Variants in GPR162 observed in about 807,000 individuals in gnomAD.
The protein encoded by GPR162 is probable G protein-coupled receptor 162.
Under a neutral mutation model 44.9 loss-of-function variants are expected in GPR162, and 26 were observed. The ratio of observed to expected loss-of-function variants is 0.58; its 90% confidence interval spans 0.42 to 0.80. The LOEUF (loss-of-function observed/expected upper bound fraction) is 0.80. GPR162 is among the 30% of genes least tolerant of loss of function. GPR162 has a pLI of 0.00. For synonymous variants in GPR162, 363 were observed against 335.2 expected, an observed-to-expected ratio of 1.08 and a Z score of -0.91; for missense variants, 704 against 802.3, an observed-to-expected ratio of 0.88 and a Z score of 1.48.
rs1223334625 is a variant in GPR162, at chr12:6,822,298, C to A, written c.-432+398C>A. Among the ~76,000 whole-genome samples, 1 of 152,138 alleles carries A rather than the reference C, an allele frequency of 6.6e-6. No individual in the cohort carries two copies. Among genetic ancestry groups the A allele is most frequent in the Non-Finnish European group, 1.5e-5 (1 of 68,014 alleles). On this transcript the variant is annotated intron_variant, in intron 1 of 4. Coordinates refer to ENST00000311268, the MANE Select transcript of GPR162 (RefSeq NM_019858.2). The surrounding 1 kb of genome is among the most constrained non-coding windows in gnomAD (Gnocchi z 4.2). ...AGAGGACACTGGGGGCTGCTCTTGG[C>A]CAAGTCCCTCCACCTCCCTCTGGCT...
chr12:6,825,759 C>A, intron 3 of GPR162, 86 bp downstream of exon 3: 1 of 1,162,792 alleles, frequency 8.6e-7, no homozygotes, highest in Non-Finnish European at 1.2e-6. Flanking sequence ...GGATGGGCTG[C>A]CCTGGAGTGC....
intron 1 of GPR162, 100 bp from the exon 2 acceptor site, chr12:6,823,368 T>C: frequency 4.3e-6 from 1 of 230,200 alleles, no homozygotes; most frequent in Non-Finnish European, 8.4e-6. Flanking sequence ...TAATCAGTCA[T>C]GCCTATAGTT....
At chr12:6,824,795 C>A in intron 2 of GPR162, 30 bp downstream of exon 2, 1 of 1,577,262 alleles carries the variant, frequency 6.3e-7, no homozygotes, top group South Asian at 1.1e-5. Context: ...CACCTGTTCT[C>A]CCCAATATCC....
In GPR162 at chr12:6,827,404, G is replaced by C. The variant is rs76385735; in HGVS notation, c.*200G>C. 5,190 of 585,414 alleles carry C rather than the reference G, an allele frequency of 8.9e-3. 210 individuals are homozygous for C. The highest frequency in any genetic ancestry group is 0.085 in the African/African-American group (4,544 of 53,728). The allele number at this position is 585,414 out of a possible 1,614,324, so 36.3% of individuals were successfully genotyped here. The stretch of plus-strand genomic sequence containing the variant: ...CCCCTAGCAATATGTATTAAAGTCT[G>C]AAGTGTTGCCATGGAAACCTCAGTG... On this transcript the variant is annotated 3_prime_UTR_variant, in exon 5 of 5. Coordinates refer to ENST00000311268, the MANE Select transcript of GPR162 (RefSeq NM_019858.2).
intron 3 of GPR162, 123 bp from the exon 4 acceptor site, chr12:6,826,073 G>A (rs1460830091): frequency 5.5e-6 from 4 of 730,170 alleles, no homozygotes; most frequent in African/African-American, 1.8e-5. Context: ...CACTCTCACT[G>A]TCCTCTTGGA....
Position 6,825,546 on chromosome 12 carries a change from G to A in GPR162, c.930G>A (p.Leu310=). The A allele has an allele frequency of 1.2e-6, 2 of 1,611,374 alleles. No individual in the cohort carries two copies. The highest frequency in any genetic ancestry group is 1.7e-6 in the Non-Finnish European group (2 of 1,178,706). The part of the protein sequence containing the change: ...SAPPWMVLAV[L]WCSMAQTLLL... ...CCCCCTGGATGGTGCTGGCTGTGCT[G>A]TGGTGCTCCATGGCACAGACGCTGC... The change falls in exon 3 of 5, where the codon CTG becomes CTA. Residue 310 remains leucine, a synonymous_variant. Transcript: ENST00000311268.
rs1015112533 is a variant in GPR162, at chr12:6,824,231, C to T, written c.333C>T (p.Leu111=). Residue 111 remains leucine (L), a synonymous_variant, in exon 2 of 5, where the codon CTC becomes CTT. Coordinates refer to ENST00000311268, the MANE Select transcript of GPR162 (RefSeq NM_019858.2). The stretch of plus-strand genomic sequence containing the variant: ...CCACCTGCTTCACGGTCGCCTCCCT[C>T]TCCTACCATCGCATGTGGATGGTGC... ...ALATCFTVAS[L]SYHRMWMVRW... The T allele has an allele frequency of 6.2e-7, 1 of 1,614,064 alleles. No individual in the cohort carries two copies. The highest frequency in any genetic ancestry group is 8.5e-7 in the Non-Finnish European group (1 of 1,180,036).
intron 3 of GPR162, among the ~76,000 whole-genome samples, chr12:6,825,972 T>C (rs782519415): frequency 6.6e-6 from 1 of 152,298 alleles, no homozygotes. Context: ...GGACGGCTCT[T>C]GGGGGAGTGC....
intron 2 of GPR162, chr12:6,825,108 T>C: frequency 1.8e-6 from 1 of 557,164 alleles, no homozygotes; most frequent in Admixed American, 2.6e-5. Flanking sequence ...GCCGCTGGGC[T>C]CCACTCTCCA....
intron 3 of GPR162, 27 bp from the exon 4 acceptor site, chr12:6,826,169 A>G (rs979019510): frequency 6.2e-7 from 1 of 1,603,320 alleles, no homozygotes; most frequent in Non-Finnish European, 8.5e-7. Flanking sequence ...CCCTACCTGT[A>G]ACCACTCTGC....
At position 6,823,551 on chromosome 12, in the gene GPR162, G is replaced by T. The variant is rs1943309962; in HGVS notation, c.-348G>T. The T allele has an allele frequency of 3.8e-6, 2 of 526,248 alleles. No homozygotes were observed. The highest frequency in any genetic ancestry group is 5.7e-5 in the South Asian group (2 of 34,856). 32.6% of individuals were successfully genotyped at this position (526,248 alleles called of 1,614,324 possible). The stretch of plus-strand genomic sequence containing the variant: ...CTGGTCAAGAACCAGAGGCAAAAGA[G>T]ACCTGGAAGTCCCAGCATGGGGACC... On this transcript the variant is annotated 5_prime_UTR_variant, in exon 2 of 5. Coordinates refer to ENST00000311268, the MANE Select transcript of GPR162 (RefSeq NM_019858.2).
Position 6,823,873 on chromosome 12 carries a change from C to T in GPR162, c.-26C>T, listed in dbSNP as rs1943315466. The T allele has an allele frequency of 6.4e-7, 1 of 1,574,262 alleles. No individual in the cohort carries two copies. Among genetic ancestry groups the T allele is most frequent in the Admixed American group, 1.7e-5 (1 of 57,210 alleles). On this transcript the variant is annotated 5_prime_UTR_variant, in exon 2 of 5. Coordinates refer to ENST00000311268, the MANE Select transcript of GPR162 (RefSeq NM_019858.2). Reference sequence around the variant, plus strand: ...ACCTAGCCCCCACCCCCACAGAGCTCAAGGGGGTGGGGGGCTGAGGATAGG... The same window carrying T: ...ACCTAGCCCCCACCCCCACAGAGCTTAAGGGGGTGGGGGGCTGAGGATAGG...
At chr12:6,826,466 A>C (rs2071081) in intron 4 of GPR162, 113 bp downstream of exon 4, 243,718 of 1,177,576 alleles carry the variant, frequency 0.21, 26,447 homozygotes, top group East Asian at 0.33. Flanking sequence ...AGGGCACCAT[A>C]GAGCTGGGTG....
chr12:6,825,055 T>A, intron 2 of GPR162: 3 of 627,050 alleles, frequency 4.8e-6, no homozygotes, highest in Non-Finnish European at 8.8e-6. Flanking sequence ...AGCTCCGTCA[T>A]CCATCCTGCA....
In GPR162 at chr12:6,823,973, C is replaced by T. The variant is rs782076523; in HGVS notation, c.75C>T (p.Leu25=). The change falls in exon 2 of 5, where the codon CTC becomes CTT. Residue 25 remains leucine (L), a synonymous_variant. Transcript: ENST00000311268. ...CATTGTCCTGGCTGGCCTGTGGGCT[C>T]CTGGCGCTGCTGGCCAATGCCTGGA... ...SNALSWLACG[L]LALLANAWII... The T allele has an allele frequency of 1.9e-6, 3 of 1,601,768 alleles. No individual in the cohort carries two copies. The highest frequency in any genetic ancestry group is 2.7e-5 in the African/African-American group (2 of 74,940).
intron 2 of GPR162, chr12:6,825,044 C>T (rs967777151): frequency 1.6e-6 from 1 of 639,844 alleles, no homozygotes; most frequent in Non-Finnish European, 2.9e-6. Flanking sequence ...ACCTGTCCTC[C>T]AGCTCCGTCA....
rs144632808 is a variant in GPR162 at position 6,826,666 on chromosome 12, G to A, written c.1229G>A (p.Arg410Gln). The change falls in exon 5 of 5, where the codon CGG becomes CAG. Residue 410 changes from arginine to glutamine, a missense_variant. Around this residue, in one of 6 missense-constraint regions of GPR162, gnomAD observed 404 missense variants for 314.1 expected, o/e 1.29. Coordinates refer to ENST00000311268, the MANE Select transcript of GPR162 (RefSeq NM_019858.2). ...TCCTCTTCCCAGGTCCCCCTATCCC[G>A]GCGTCTGTCCCATGATGAGACAAAC... ...RVHYLQVPLS[R>Q]RLSHDETNIF... 281 of 1,520,648 alleles carry A rather than the reference G, an allele frequency of 1.8e-4. 1 individual carries two copies. The highest frequency in any genetic ancestry group is 1.8e-4 in the Middle Eastern group (1 of 5,614). The allele number at this position is 1,520,648 out of a possible 1,614,324, so 94.2% of individuals were successfully genotyped here.
chr12:6,825,396 G>A, intron 2 of GPR162, 88 bp from the exon 3 acceptor site: 2 of 769,568 alleles, frequency 2.6e-6, no homozygotes, highest in South Asian at 1.7e-5. Flanking sequence ...TACTTCTGAC[G>A]TCTTGCCCAC....
rs782051240 is a variant in GPR162, at chr12:6,826,662, T to A, written c.1225T>A (p.Ser409Thr). The A allele has an allele frequency of 1.1e-5, 17 of 1,521,114 alleles. No individual in the cohort carries two copies. The highest frequency in any genetic ancestry group is 1.4e-5 in the Non-Finnish European group (16 of 1,136,608). The allele number at this position is 1,521,114 out of a possible 1,614,324, so 94.2% of individuals were successfully genotyped here. The change falls in exon 5 of 5, where the codon TCC becomes ACC. Residue 409 changes from serine to threonine, a missense_variant. Physicochemically the swap from Ser to Thr is moderately conservative, Grantham distance 58. Coordinates refer to ENST00000311268, the MANE Select transcript of GPR162 (RefSeq NM_019858.2). ...ERVHYLQVPL[S>T]RRLSHDETNI... is the part of the protein sequence containing the mutation. ...CCGCTCCTCTTCCCAGGTCCCCCTA[T>A]CCCGGCGTCTGTCCCATGATGAGAC... is the stretch of plus-strand genomic sequence containing the variant.
Sources: allele counts gnomAD v4.1 joint callset (sites outside exome capture counted in the v4.1 genomes callset), GRCh38; gene constraint gnomAD v4.1.1; regional missense constraint gnomAD v4.1.1; non-coding constraint Gnocchi (gnomAD v3.1); transcripts MANE v1.5; gene names NCBI Gene and HGNC (gene_info 2026-07-23, HGNC 2026-07-21).